Variants in TNR observed in about 807,000 individuals in gnomAD.
TNR encodes tenascin R.
A neutral mutation model predicts 150.4 loss-of-function variants in TNR; 45 were observed. The ratio of observed to expected loss-of-function variants is 0.30; its 90% CI spans 0.24 to 0.38. The LOEUF (loss-of-function observed/expected upper bound fraction) is 0.38. Ranked by LOEUF, TNR falls within the 10% of genes least tolerant of loss-of-function variation. The probability of loss-of-function intolerance (pLI) is 1.00; values close to 1 mark genes in which losing one functional copy is unlikely to be tolerated. For synonymous variants in TNR, 687 were observed against 678.4 expected (o/e 1.01, Z -0.20); for missense variants, 1,544 against 1,759.1 (o/e 0.88, Z 2.19).
intron 1 of TNR, among the ~76,000 whole-genome samples, chr1:175,621,465 C>T (rs571759068): frequency 1.8e-4 from 28 of 152,250 alleles, no homozygotes; most frequent in East Asian, 1.7e-3. Context: ...CATTTCAGGA[C>T]GCTTTCTTCC....
At chr1:175,374,064 C>T (rs1652252351) in intron 9 of TNR, among the ~76,000 whole-genome samples, 4 of 152,212 alleles carry the variant, frequency 2.6e-5, no homozygotes, top group Non-Finnish European at 5.9e-5. Flanking sequence ...CTGGTCCTTT[C>T]CTCCTCAGAA....
chr1:175,501,446 A>G (rs148155824), intron 2 of TNR, among the ~76,000 whole-genome samples: 28 of 152,326 alleles, frequency 1.8e-4, no homozygotes, highest in African/African-American at 5.5e-4. Flanking sequence ...TGAGCTTGGA[A>G]GAGGCCCCTG....
intron 2 of TNR, among the ~76,000 whole-genome samples, chr1:175,444,547 C>T (rs940423269): frequency 2.0e-5 from 3 of 152,224 alleles, no homozygotes; most frequent in Non-Finnish European, 2.9e-5. Context: ...CTGTCCTTCA[C>T]ACACCACATC....
chr1:175,552,504 G>A (rs1236225704), intron 1 of TNR, among the ~76,000 whole-genome samples: 2 of 152,158 alleles, frequency 1.3e-5, no homozygotes, highest in African/African-American at 4.8e-5. Flanking sequence ...TCAGGGTGAG[G>A]AATTTGTACA....
At chr1:175,479,871 G>T (rs1190952801) in intron 2 of TNR, among the ~76,000 whole-genome samples, 1 of 152,064 alleles carries the variant, frequency 6.6e-6, no homozygotes, top group Admixed American at 6.6e-5. Flanking sequence ...TGCTAATTTT[G>T]GAAAATGCAT....
At chr1:175,481,646 A>G (rs900010307) in intron 2 of TNR, among the ~76,000 whole-genome samples, 2 of 152,132 alleles carry the variant, frequency 1.3e-5, no homozygotes, top group South Asian at 4.1e-4. Context: ...TGACTTGGAA[A>G]AGAAGGTGGT....
At chr1:175,717,996 A>C (rs1469695520) in intron 1 of TNR, among the ~76,000 whole-genome samples, 1 of 152,242 alleles carries the variant, frequency 6.6e-6, no homozygotes, top group Non-Finnish European at 1.5e-5. Context: ...TGCAGCTCTT[A>C]GTAACACATG....
At chr1:175,399,442 T>C (rs914473709) in intron 4 of TNR, among the ~76,000 whole-genome samples, 1 of 152,198 alleles carries the variant, frequency 6.6e-6, no homozygotes, top group African/African-American at 2.4e-5. Flanking sequence ...CTTGGCAACT[T>C]AGCTTGAGGC....
At chr1:175,410,296 T>C (rs1026440037) in intron 2 of TNR, among the ~76,000 whole-genome samples, 2 of 152,194 alleles carry the variant, frequency 1.3e-5, no homozygotes, top group Admixed American at 1.3e-4. Flanking sequence ...TGTAAGTTAT[T>C]TGGCTTTTAC....
chr1:175,666,369 C>T (rs1665532533), intron 1 of TNR, among the ~76,000 whole-genome samples: 1 of 152,174 alleles, frequency 6.6e-6, no homozygotes, highest in South Asian at 2.1e-4. Flanking sequence ...CCAGGGCTCC[C>T]TGCATTCCCT....
intron 2 of TNR, among the ~76,000 whole-genome samples, chr1:175,515,436 G>T (rs1659365115): frequency 6.6e-6 from 1 of 152,220 alleles, no homozygotes; most frequent in Non-Finnish European, 1.5e-5. Context: ...GTCAGAGAGG[G>T]TTTGAGGAGG....
chr1:175,626,285 A>G (rs1664156161), intron 1 of TNR, among the ~76,000 whole-genome samples: 1 of 152,108 alleles, frequency 6.6e-6, no homozygotes, highest in Non-Finnish European at 1.5e-5. Context: ...ACCATTCCCC[A>G]ATCCAGAAGT....
intron 1 of TNR, among the ~76,000 whole-genome samples, chr1:175,570,656 T>C (rs1028253130): frequency 6.6e-6 from 1 of 152,026 alleles, no homozygotes; most frequent in African/African-American, 2.4e-5. Flanking sequence ...TTTTTCCGCT[T>C]TCTCCTTTTG....
At chr1:175,713,425 G>A (rs933502885) in intron 1 of TNR, among the ~76,000 whole-genome samples, 2 of 151,998 alleles carry the variant, frequency 1.3e-5, no homozygotes, top group African/African-American at 2.4e-5. Context: ...GGTTGAATAA[G>A]CTGACTAAAT....
chr1:175,371,269 T>A (rs899581153), intron 9 of TNR, among the ~76,000 whole-genome samples: 1 of 152,224 alleles, frequency 6.6e-6, no homozygotes, highest in African/African-American at 2.4e-5. Context: ...AGAAAATTCA[T>A]CCCATAGGAA....
chr1:175,577,119 G>A (rs1239032437), intron 1 of TNR, among the ~76,000 whole-genome samples: 1 of 152,062 alleles, frequency 6.6e-6, no homozygotes, highest in African/African-American at 2.4e-5. Flanking sequence ...CATGCAGCGG[G>A]GTAAGCATAT....
intron 1 of TNR, among the ~76,000 whole-genome samples, chr1:175,563,752 G>A (rs1178213191): frequency 6.6e-6 from 1 of 152,164 alleles, no homozygotes; most frequent in Non-Finnish European, 1.5e-5. Flanking sequence ...TGAGAAAGAC[G>A]AGCTGTGAGT....
chr1:175,610,363 C>CA (rs1207189391), intron 1 of TNR, among the ~76,000 whole-genome samples: 5 of 152,368 alleles, frequency 3.3e-5, no homozygotes, highest in Admixed American at 3.3e-4. Flanking sequence ...AGGCCAGACT[C>CA]AGACTCTCCA....
intron 1 of TNR, among the ~76,000 whole-genome samples, chr1:175,612,908 G>A (rs1663641652): frequency 6.8e-6 from 1 of 147,314 alleles, no homozygotes; most frequent in Non-Finnish European, 1.5e-5. Context: ...GCTAGGTGCT[G>A]GTGTAGGAAC....
Sources: allele counts gnomAD v4.1 joint callset (sites outside exome capture counted in the v4.1 genomes callset), GRCh38; gene constraint gnomAD v4.1.1; transcripts MANE v1.5; gene names NCBI Gene and HGNC (gene_info 2026-07-23, HGNC 2026-07-21).